The following TRAPPC8 variants were observed in gnomAD, a reference collection of about 807,000 sequenced individuals.
TRAPPC8 encodes the protein trafficking protein particle complex subunit 8.
In TRAPPC8, 54 loss-of-function variants were observed where a neutral mutation model predicts 174.3. The observed-to-expected ratio is 0.31, with a 90% confidence interval of 0.25 to 0.39. The LOEUF (loss-of-function observed/expected upper bound fraction) is 0.39. Among genes scored for constraint, TRAPPC8 ranks in the 10% least tolerant of loss-of-function variants. TRAPPC8 has a pLI of 1.00. For synonymous variants in TRAPPC8, 630 were observed against 579.9 expected (o/e 1.09, Z -1.24); for missense variants, 1,531 against 1,699.1 (o/e 0.90, Z 1.74).
At chr18:31,879,721 C>G (rs1211125943) in intron 12 of TRAPPC8, among the ~76,000 whole-genome samples, 1 of 151,464 alleles carries the variant, frequency 6.6e-6, no homozygotes, top group Non-Finnish European at 1.5e-5. Context: ...GACTACTAGG[C>G]AAGATTAAGC....
chr18:31,929,585 A>G (rs2037765359), intron 2 of TRAPPC8, among the ~76,000 whole-genome samples: 1 of 152,022 alleles, frequency 6.6e-6, no homozygotes, highest in African/African-American at 2.4e-5. Context: ...GGATCACCTG[A>G]GCCCAGGGAG....
intron 11 of TRAPPC8, among the ~76,000 whole-genome samples, chr18:31,891,956 T>C (rs1447832863): frequency 1.3e-5 from 2 of 152,132 alleles, no homozygotes; most frequent in Non-Finnish European, 2.9e-5. Flanking sequence ...AAAAACTAAA[T>C]GATTAGATGA....
chr18:31,928,553 T>G lies in TRAPPC8; in HGVS notation c.352+2776A>C, dbSNP rs554450995. 3.3e-5 allele frequency among the ~76,000 whole-genome samples: 5 copies of G among 152,010 alleles called. No individual in the cohort carries two copies. In the South Asian group the frequency reaches 1.0e-3, roughly 32 times the overall value. The stretch of plus-strand genomic sequence containing the variant: ...AAATAAGAAAAAAAAATAAAAGAAA[T>G]AAATATAAGACAAAAAGATATTTTT... On this transcript the variant is annotated intron_variant, in intron 2 of 28. Transcript: ENST00000283351.
At chr18:31,917,733 T>G in intron 2 of TRAPPC8, 66 bp from the exon 3 acceptor site, 1 of 1,422,454 alleles carries the variant, frequency 7.0e-7, no homozygotes, top group Non-Finnish European at 9.7e-7. Flanking sequence ...CAGACAAAAT[T>G]TCAAGTCCAT....
intron 9 of TRAPPC8, among the ~76,000 whole-genome samples, chr18:31,901,861 G>A (rs1244101404): frequency 1.3e-5 from 2 of 152,228 alleles, no homozygotes; most frequent in African/African-American, 4.8e-5. Flanking sequence ...TATATACAAT[G>A]TGCTTATGGG....
intron 2 of TRAPPC8, among the ~76,000 whole-genome samples, chr18:31,926,792 T>C (rs997653573): frequency 1.3e-5 from 2 of 152,186 alleles, no homozygotes; most frequent in African/African-American, 4.8e-5. Flanking sequence ...AATAATTGGC[T>C]AAGCAGTGAA....
rs570000332 is a variant in TRAPPC8, at chr18:31,853,835, A to G, written c.3433+14T>C. On this transcript the variant is annotated intron_variant, in intron 22 of 28. Coordinates refer to ENST00000283351, the MANE Select transcript of TRAPPC8 (RefSeq NM_014939.5). Reference sequence around the variant, plus strand: ...GTTTCAAAATTTATTATGTAGCAGGAAAAACAAACAAACCTTTGTTTTCAG... The same window carrying G: ...GTTTCAAAATTTATTATGTAGCAGGGAAAACAAACAAACCTTTGTTTTCAG... 4.4e-5 allele frequency: 70 copies of G among 1,588,382 alleles called. No individual in the cohort carries two copies. The highest frequency in any genetic ancestry group is 5.7e-5 in the Non-Finnish European group (67 of 1,167,990).
chr18:31,938,114 T>C (rs1245315500), intron 1 of TRAPPC8, among the ~76,000 whole-genome samples: 2 of 152,168 alleles, frequency 1.3e-5, no homozygotes, highest in African/African-American at 2.4e-5. Flanking sequence ...AACATCTAAA[T>C]GATATATTGC....
intron 5 of TRAPPC8, among the ~76,000 whole-genome samples, chr18:31,911,725 C>T (rs1345140097): frequency 2.2e-5 from 3 of 139,106 alleles, no homozygotes; most frequent in South Asian, 2.3e-4. Context: ...CCACTGCACT[C>T]CGGCCTGGGC....
chr18:31,846,857 A>C, intron 25 of TRAPPC8, 40 bp from the exon 26 acceptor site: 1 of 1,481,336 alleles, frequency 6.8e-7, no homozygotes, highest in East Asian at 2.3e-5. Context: ...CGTGCTTGAC[A>C]GTAACCTCTA....
At chr18:31,849,811 AGTTTT>A in intron 24 of TRAPPC8, 72 bp from the exon 25 acceptor site, 1 of 1,400,654 alleles carries the variant, frequency 7.1e-7, no homozygotes, top group East Asian at 2.6e-5. Context: ...TGTATAACTC[AGTTTT>A]AATTAAATAT....
rs201699967 is a variant in TRAPPC8 at position 31,837,951 on chromosome 18, T to TA, written c.3983+1360dup. On this transcript the variant is annotated intron_variant, in intron 27 of 28. Coordinates refer to ENST00000283351, the MANE Select transcript of TRAPPC8 (RefSeq NM_014939.5). ...ATAATCATTTAGGTGTTAGCTTTGT[T>TA]AAAAAAAAAATCACTTAAAAAAAAA... Among the ~76,000 whole-genome samples, 682 of 136,780 alleles carry TA rather than the reference T, an allele frequency of 5.0e-3. 6 individuals are homozygous for TA. Among genetic ancestry groups the TA allele is most frequent in the East Asian group, 0.022 (107 of 4,916 alleles). 89.7% of individuals were successfully genotyped at this position (136,780 alleles called of 152,430 possible).
At chr18:31,935,478 G>A (rs1395427883) in intron 1 of TRAPPC8, among the ~76,000 whole-genome samples, 1 of 143,710 alleles carries the variant, frequency 7.0e-6, no homozygotes, top group African/African-American at 2.6e-5. Flanking sequence ...AACCTGGGAG[G>A]TGGAGGTTGC....
At chr18:31,874,177 G>T in intron 13 of TRAPPC8, 1 of 411,966 alleles carries the variant, frequency 2.4e-6, no homozygotes. Context: ...AATCAGTTGT[G>T]AGTCTATAAA....
At chr18:31,928,084 G>GGA (rs138671568) in intron 2 of TRAPPC8, among the ~76,000 whole-genome samples, 37,958 of 151,178 alleles carry the variant, frequency 0.25, 5,308 homozygotes, top group South Asian at 0.52. Flanking sequence ...TGAACCCAGG[G>GGA]GGAAGAGGTT....
chr18:31,908,488 TA>T, intron 7 of TRAPPC8, 70 bp from the exon 8 acceptor site: 1 of 1,114,314 alleles, frequency 9.0e-7, no homozygotes, highest in Admixed American at 3.2e-5. Context: ...AAAAAAATTT[TA>T]ACTAAAAAGC....
intron 2 of TRAPPC8, among the ~76,000 whole-genome samples, chr18:31,919,997 G>A (rs926064337): frequency 2.0e-5 from 3 of 151,972 alleles, no homozygotes; most frequent in Admixed American, 1.3e-4. Context: ...CACCCACCAC[G>A]AACACCTACC....
intron 28 of TRAPPC8, among the ~76,000 whole-genome samples, chr18:31,831,223 C>A (rs1339525880): frequency 6.6e-6 from 1 of 152,100 alleles, no homozygotes; most frequent in African/African-American, 2.4e-5. Flanking sequence ...TGGTGGTGCA[C>A]GCCTGTAATC....
In TRAPPC8 at chr18:31,836,852, C is replaced by G. The variant is rs1241452892; in HGVS notation, c.3983+2460G>C. Among the ~76,000 whole-genome samples, 4 of 150,898 alleles carry G rather than the reference C, an allele frequency of 2.7e-5. No homozygotes were observed. In the East Asian group the frequency reaches 7.9e-4, roughly 30 times the overall value. Reference sequence around the variant, plus strand: ...TCTCGGCTCACTGCAAGCTCCGCCTCCTGGGTTCATGCCATTCTCCTGCCT... The same window carrying G: ...TCTCGGCTCACTGCAAGCTCCGCCTGCTGGGTTCATGCCATTCTCCTGCCT... On this transcript the variant is annotated intron_variant, in intron 27 of 28. Transcript: ENST00000283351.
Sources: gnomAD v4.1 joint callset for allele counts (sites outside exome capture counted in the v4.1 genomes callset) on GRCh38, gnomAD v4.1.1 for gene constraint, MANE v1.5 for transcripts, NCBI Gene and HGNC (gene_info 2026-07-23, HGNC 2026-07-21) for gene names.